SLC26A8: variants seen among roughly 807,000 people sequenced by gnomAD.
SLC26A8 encodes the protein testis anion transporter 1.
A neutral mutation model predicts 105.0 loss-of-function variants in SLC26A8; 70 were observed. The ratio of observed to expected loss-of-function variants is 0.67; its 90% CI spans 0.55 to 0.81. SLC26A8 has a LOEUF of 0.81. Among genes scored for constraint, SLC26A8 ranks in the 40% least tolerant of loss-of-function variants. SLC26A8 has a pLI of 0.00. For missense variants in SLC26A8, 998 were observed against 1,181.8 expected (o/e 0.84, Z 2.28); for synonymous variants, 415 against 438.3 (o/e 0.95, Z 0.66).
intron 7 of SLC26A8, among the ~76,000 whole-genome samples, chr6:35,988,372 G>A (rs2127344475): frequency 6.6e-6 from 1 of 152,322 alleles, no homozygotes; most frequent in South Asian, 2.1e-4. Flanking sequence ...ATTGGCTCAT[G>A]CCTGTAATCC....
chr6:35,945,171 T>A (rs1297903696), intron 19 of SLC26A8, among the ~76,000 whole-genome samples: 1 of 152,120 alleles, frequency 6.6e-6, no homozygotes, highest in East Asian at 1.9e-4. Context: ...TTCATTAAAA[T>A]TTTTTTTAAT....
At chr6:35,946,861 G>GT (rs373853838) in intron 19 of SLC26A8, among the ~76,000 whole-genome samples, 27 of 147,070 alleles carry the variant, frequency 1.8e-4, no homozygotes, top group Middle Eastern at 3.6e-3. Context: ...CTGATTTTTA[G>GT]TTTTTTTTTT....
At position 35,959,748 on chromosome 6, in the gene SLC26A8, T is replaced by C. The variant is rs984824086; in HGVS notation, c.1697A>G (p.Asn566Ser). 9.3e-6 allele frequency: 15 copies of C among 1,609,964 alleles called. No homozygotes were observed. The highest frequency in any genetic ancestry group is 1.3e-5 in the Non-Finnish European group (15 of 1,179,162). ...CAGCTTATGCTTTAGGTAGTAAACA[T>C]TTACAAATGTAATTGAGCTGCAGCA... is the stretch of plus-strand genomic sequence containing the variant. The part of the protein sequence containing the change: ...FQCCSSITFV[N>S]VYYLKHKLLK... Residue 566 changes from asparagine to serine, a missense_variant, in exon 15 of 20, where the codon AAT becomes AGT. Transcript: ENST00000490799.
At chr6:36,013,400 T>C (rs1186890580) in intron 2 of SLC26A8, among the ~76,000 whole-genome samples, 1 of 152,162 alleles carries the variant, frequency 6.6e-6, no homozygotes. Context: ...TTTCACCATG[T>C]TGGCCAGGCT....
At chr6:35,990,888 CT>C (rs1345935796) in intron 7 of SLC26A8, among the ~76,000 whole-genome samples, 4 of 151,948 alleles carry the variant, frequency 2.6e-5, no homozygotes, top group Admixed American at 6.6e-5. Context: ...GCCCGTATTT[CT>C]TTCATAAGGG....
At chr6:36,004,299 C>T (rs1396674206) in intron 3 of SLC26A8, among the ~76,000 whole-genome samples, 1 of 151,766 alleles carries the variant, frequency 6.6e-6, no homozygotes, top group Non-Finnish European at 1.5e-5. Context: ...TGGTCTTGAG[C>T]TCCTGGGCTC....
chr6:36,016,735 G>T (rs190911288), intron 2 of SLC26A8, among the ~76,000 whole-genome samples: 6 of 152,184 alleles, frequency 3.9e-5, no homozygotes, highest in African/African-American at 1.4e-4. Flanking sequence ...TAATTGTCCT[G>T]GGAAAACAGA....
At chr6:35,968,545 C>A (rs1772613056) in intron 11 of SLC26A8, among the ~76,000 whole-genome samples, 1 of 122,336 alleles carries the variant, frequency 8.2e-6, no homozygotes, top group Non-Finnish European at 1.6e-5. Flanking sequence ...ATCTATCTAT[C>A]TACACACCAT....
intron 8 of SLC26A8, among the ~76,000 whole-genome samples, chr6:35,978,083 C>A (rs1359238433): frequency 3.1e-5 from 3 of 95,460 alleles, no homozygotes; most frequent in South Asian, 3.4e-4. Flanking sequence ...GAGACTCAGT[C>A]TCAAAAAAAA....
chr6:35,988,839 C>T (rs564784390), intron 7 of SLC26A8, among the ~76,000 whole-genome samples: 48 of 138,582 alleles, frequency 3.5e-4, no homozygotes, highest in African/African-American at 1.2e-3. Flanking sequence ...CAGTTCTATA[C>T]GGTTTTTTTT....
rs1452831939 is a variant in SLC26A8, at chr6:35,977,187, A to T, written c.1173+17T>A. The stretch of plus-strand genomic sequence containing the variant: ...GAACAAAGAGTTAAGGATCAGAGGA[A>T]GTAGTAGTCCTCTCACCTGGTTGGA... On this transcript the variant is annotated intron_variant, in intron 9 of 19. Transcript: ENST00000490799. The T allele has an allele frequency of 1.2e-6, 2 of 1,606,854 alleles. No individual in the cohort carries two copies. Among genetic ancestry groups the T allele is most frequent in the Middle Eastern group, 1.7e-4 (1 of 6,030 alleles).
At chr6:35,984,968 T>C (rs1371337599) in intron 7 of SLC26A8, among the ~76,000 whole-genome samples, 10 of 152,106 alleles carry the variant, frequency 6.6e-5, no homozygotes, top group Non-Finnish European at 1.2e-4. Flanking sequence ...ACAAGAAACA[T>C]TTACAACCCA....
rs1387517749 is a variant in SLC26A8, at chr6:35,991,764, G to T, written c.837C>A (p.Thr279=). 7 of 1,602,276 alleles carry T rather than the reference G, an allele frequency of 4.4e-6. No homozygotes were observed. The highest frequency in any genetic ancestry group is 6.0e-6 in the Non-Finnish European group (7 of 1,175,766). Residue 279 remains threonine (T), a synonymous_variant, in exon 7 of 20, where the codon ACC becomes ACA. Coordinates refer to ENST00000490799, the MANE Select transcript of SLC26A8 (RefSeq NM_052961.4). ...CAACAGTTAGAAATACTAGAATGCT[G>T]GTGGAATTCGCTTTTGGGAGAGCTA... ...YCVALPKANS[T]SILVFLTVVV...
At chr6:36,020,554 G>A (rs1226486073) in intron 1 of SLC26A8, among the ~76,000 whole-genome samples, 3 of 152,146 alleles carry the variant, frequency 2.0e-5, no homozygotes, top group Non-Finnish European at 4.4e-5. Flanking sequence ...AGCAGGTGGA[G>A]GTTGCAGTGA....
rs771762515 is a variant in SLC26A8, at chr6:35,955,114, G to A, written c.2232+38C>T. 5 of 1,612,886 alleles carry A rather than the reference G, an allele frequency of 3.1e-6. No homozygotes were observed. In the South Asian group the frequency reaches 3.3e-5, roughly 11 times the overall value. On this transcript the variant is annotated intron_variant, in intron 17 of 19. Transcript: ENST00000490799. ...AGGGTGGGGTTGGGATGGTAGGAGGGGGATCAGAGCTCCTGCCAAGGCCTC... is the reference window on the plus strand; with the variant it reads ...AGGGTGGGGTTGGGATGGTAGGAGGAGGATCAGAGCTCCTGCCAAGGCCTC...
intron 2 of SLC26A8, among the ~76,000 whole-genome samples, chr6:36,016,831 TA>T (rs1762006165): frequency 6.6e-6 from 1 of 152,160 alleles, no homozygotes; most frequent in Admixed American, 6.5e-5. Flanking sequence ...GACCTAAATT[TA>T]AAAGCTAAAA....
chr6:35,946,991 A>T (rs1771699536), intron 19 of SLC26A8, among the ~76,000 whole-genome samples: 1 of 151,350 alleles, frequency 6.6e-6, no homozygotes, highest in African/African-American at 2.4e-5. Flanking sequence ...CGGCTGGCTG[A>T]TATGTCCATC....
rs117903426 is a variant in SLC26A8, at chr6:35,945,347, G to A, written c.2473-1007C>T. On this transcript the variant is annotated intron_variant, in intron 19 of 19. Transcript: ENST00000490799. ...ATTTCATGACCAACCATTTAAAACA[G>A]CAATGGACTTAACAACATTCTGAAA... is the stretch of plus-strand genomic sequence containing the variant. Among the ~76,000 whole-genome samples, 291 of 152,220 alleles carry A rather than the reference G, an allele frequency of 1.9e-3. 5 individuals are homozygous for A. The East Asian group carries it at 0.033, about 17-fold the overall frequency.
At chr6:36,007,896 A>G (rs544564513) in intron 3 of SLC26A8, among the ~76,000 whole-genome samples, 5 of 149,496 alleles carry the variant, frequency 3.3e-5, no homozygotes, top group South Asian at 2.1e-4. Flanking sequence ...CAAGGCGGGC[A>G]GATCACGAGG....
Sources: gnomAD v4.1 joint callset for allele counts (sites outside exome capture counted in the v4.1 genomes callset) on GRCh38, gnomAD v4.1.1 for gene constraint, MANE v1.5 for transcripts, NCBI Gene and HGNC (gene_info 2026-07-23, HGNC 2026-07-21) for gene names.